Variants in CDC25A observed in about 807,000 individuals in gnomAD.
The protein encoded by CDC25A is M-phase inducer phosphatase 1.
A neutral mutation model predicts 64.6 loss-of-function variants in CDC25A; 17 were observed. The observed-to-expected ratio is 0.26, with a 90% CI of 0.18 to 0.39. The LOEUF is 0.39. Among genes scored for constraint, CDC25A ranks in the 10% least tolerant of loss-of-function variants. The pLI is 1.00. For missense variants in CDC25A, 473 were observed against 654.8 expected (o/e 0.72, Z 3.03); for synonymous variants, 229 against 238.6 (o/e 0.96, Z 0.37).
At chr3:48,172,957 C>T (rs1024561079) in intron 9 of CDC25A, among the ~76,000 whole-genome samples, 4 of 152,124 alleles carry the variant, frequency 2.6e-5, no homozygotes, top group African/African-American at 7.2e-5. Context: ...CAGTGGCTCA[C>T]GCCTGTAATT....
rs1442401020 is a variant in CDC25A at position 48,187,817 on chromosome 3, T to C, written c.131A>G (p.Asn44Ser). ...CAGCTGGTCCATAGTGACGGTCAGG[T>C]TGGTGACAGGCGACAGTCCCCCGGC... ...SAAGGLSPVT[N>S]LTVTMDQLQG... is the part of the protein sequence containing the mutation. Residue 44 changes from asparagine (N) to serine (S), a missense_variant, in exon 1 of 15, where the codon AAC (asparagine) becomes AGC (serine). Asn to Ser is a conservative substitution (Grantham distance 46). Transcript: ENST00000302506. The C allele has an allele frequency of 6.5e-7, 1 of 1,548,598 alleles. No individual in the cohort carries two copies. The highest frequency in any genetic ancestry group is 2.0e-5 in the Admixed American group (1 of 50,934).
chr3:48,181,529 G>A (rs766678378), intron 5 of CDC25A: 21 of 1,380,788 alleles, frequency 1.5e-5, no homozygotes, highest in Non-Finnish European at 1.9e-5. Flanking sequence ...GGTCGCGGTC[G>A]GCACTGAGGC....
At chr3:48,172,254 T>G (rs2032296979) in intron 9 of CDC25A, among the ~76,000 whole-genome samples, 1 of 152,190 alleles carries the variant, frequency 6.6e-6, no homozygotes, top group Non-Finnish European at 1.5e-5. Flanking sequence ...TTTAGAACAA[T>G]ACTTTAAAAA....
At chr3:48,164,819 A>T (rs1296110850) in intron 12 of CDC25A, among the ~76,000 whole-genome samples, 5 of 152,046 alleles carry the variant, frequency 3.3e-5, no homozygotes, top group Non-Finnish European at 7.4e-5. Flanking sequence ...AAAACATTAA[A>T]ATGGCAGGCC....
At position 48,184,731 on chromosome 3, in the gene CDC25A, C is replaced by CA. The variant is rs576065147; in HGVS notation, c.248-37dup. On this transcript the variant is annotated intron_variant, in intron 2 of 14. Transcript: ENST00000302506. ...AAAAAAAACCTCTCAAGAAATAATA[C>CA]AAAAAACACCATTTTGTCATTAAAA... 1.5e-4 allele frequency: 213 copies of CA among 1,442,842 alleles called. No individual in the cohort carries two copies. The African/African-American group carries it at 2.9e-3, about 20-fold the overall frequency. The allele number at this position is 1,442,842 out of a possible 1,614,324, so 89.4% of individuals were successfully genotyped here. A position where few individuals can be genotyped will look rare whatever the true frequency, so the allele number is the denominator to read the frequency against.
At chr3:48,183,948 AT>A in intron 3 of CDC25A, 112 bp from the exon 4 acceptor site, 1 of 605,902 alleles carries the variant, frequency 1.7e-6, no homozygotes, top group Non-Finnish European at 2.9e-6. Context: ...ACAGACTCCC[AT>A]TTTAGGCAAG....
intron 9 of CDC25A, among the ~76,000 whole-genome samples, chr3:48,171,382 CTTTT>C (rs908598235): frequency 2.9e-5 from 4 of 136,472 alleles, no homozygotes; most frequent in Non-Finnish European, 3.2e-5. Flanking sequence ...AATGAATATT[CTTTT>C]TTTTTTTTTT....
At chr3:48,177,278 G>T (rs2106739757) in intron 8 of CDC25A, 93 bp downstream of exon 8, 1 of 949,680 alleles carries the variant, frequency 1.1e-6, no homozygotes, top group Non-Finnish European at 1.7e-6. Context: ...ATCCTATCAT[G>T]CATTTCAATC....
At chr3:48,165,600 A>G in intron 12 of CDC25A, 36 bp downstream of exon 12, 1 of 1,430,788 alleles carries the variant, frequency 7.0e-7, no homozygotes, top group Non-Finnish European at 9.9e-7. Context: ...GATCCTGTTT[A>G]GGGCTCCTTC....
intron 4 of CDC25A, 146 bp downstream of exon 4, chr3:48,183,654 C>A: frequency 1.8e-6 from 1 of 568,058 alleles, no homozygotes; most frequent in Non-Finnish European, 3.2e-6. Context: ...GCACTCCAGC[C>A]TGGGTGACAG....
At chr3:48,180,578 A>G in intron 6 of CDC25A, 143 bp downstream of exon 6, 2 of 814,492 alleles carry the variant, frequency 2.5e-6, no homozygotes, top group Non-Finnish European at 3.8e-6. Flanking sequence ...AACCACCAAG[A>G]ATGCTTGACA....
At chr3:48,179,476 C>T (rs2032583688) in intron 6 of CDC25A, among the ~76,000 whole-genome samples, 1 of 152,158 alleles carries the variant, frequency 6.6e-6, no homozygotes, top group African/African-American at 2.4e-5. Flanking sequence ...CTCAAGCAAT[C>T]CTCCCACTTC....
chr3:48,182,973 G>A lies in CDC25A; in HGVS notation c.385C>T (p.His129Tyr), dbSNP rs1400207543. Residue 129 changes from histidine to tyrosine, a missense_variant, in exon 5 of 15, where the codon CAT becomes TAT. His to Tyr is a moderately conservative substitution (Grantham distance 83). This residue lies in a region of CDC25A where 376 missense variants were observed against 431.9 expected (regional missense o/e 0.87). Transcript: ENST00000302506. ...LKRSHSDSLD[H>Y]DIFQLIDPDE... is the part of the protein sequence containing the mutation. ...GGGTCGATGAGCTGAAAGATGTCATGGTCAAGAGAATCAGAATGGCTCCTC... is the reference window on the plus strand; with the variant it reads ...GGGTCGATGAGCTGAAAGATGTCATAGTCAAGAGAATCAGAATGGCTCCTC... 1 of 1,613,492 alleles carries A rather than the reference G, an allele frequency of 6.2e-7. No individual in the cohort carries two copies. The highest frequency in any genetic ancestry group is 1.3e-5 in the African/African-American group (1 of 74,892).
rs1396944609 is a variant in CDC25A, at chr3:48,165,502, C to T, written c.1191+134G>A. The T allele has an allele frequency of 7.9e-6, 5 of 636,158 alleles. No individual in the cohort carries two copies. The East Asian group carries it at 8.1e-5, about 10-fold the overall frequency. 39.4% of individuals were successfully genotyped at this position (636,158 alleles called of 1,614,324 possible). ...AGAGCACCCGGAATCAAATGCCTTC[C>T]ACACTCACTGTATTGTTTCAAAATT... On this transcript the variant is annotated intron_variant, in intron 12 of 14. Coordinates refer to ENST00000302506, the MANE Select transcript of CDC25A (RefSeq NM_001789.3).
intron 1 of CDC25A, among the ~76,000 whole-genome samples, chr3:48,187,374 GA>G (rs1352011932): frequency 1.3e-5 from 2 of 152,188 alleles, no homozygotes; most frequent in Non-Finnish European, 2.9e-5. Context: ...TGTTGAGAAG[GA>G]ACAAAGATCA....
intron 2 of CDC25A, among the ~76,000 whole-genome samples, chr3:48,185,422 C>CA (rs35677711): frequency 0.39 from 34,844 of 89,154 alleles, 6,121 homozygotes; most frequent in African/African-American, 0.53. Flanking sequence ...GACCCTGTCT[C>CA]AAAAAAAAAA....
intron 13 of CDC25A, chr3:48,161,031 T>G (rs1046185593): frequency 4.0e-5 from 6 of 151,502 alleles, no homozygotes; most frequent in Non-Finnish European, 7.3e-5. Flanking sequence ...CAGGTGCCTG[T>G]AATCCCAGCT....
intron 9 of CDC25A, 86 bp from the exon 10 acceptor site, chr3:48,168,030 C>T (rs766873756): frequency 2.6e-6 from 2 of 781,568 alleles, no homozygotes; most frequent in Non-Finnish European, 4.5e-6. Flanking sequence ...CTCGAGGAGA[C>T]TAAAATGTTA....
Position 48,177,953 on chromosome 3 carries a change from C to T in CDC25A, c.585G>A (p.Gly195=), listed in dbSNP as rs142184745. 7.9e-5 allele frequency: 128 copies of T among 1,613,696 alleles called. No individual in the cohort carries two copies. In the African/African-American group the frequency reaches 1.6e-3, roughly 21 times the overall value. The change falls in exon 7 of 15, where the codon GGG becomes GGA. Residue 195 remains glycine (G), a synonymous_variant. Coordinates refer to ENST00000302506, the MANE Select transcript of CDC25A (RefSeq NM_001789.3). ...SSNERDSSEP[G]NFIPLFTPQS... ...GGGGTGTAAAAAGAGGAATGAAATTCCCTGGTTCACTGCTATCTCTTTCAT... is the reference window on the plus strand; with the variant it reads ...GGGGTGTAAAAAGAGGAATGAAATTTCCTGGTTCACTGCTATCTCTTTCAT...
Sources: allele counts gnomAD v4.1 joint callset (sites outside exome capture counted in the v4.1 genomes callset), GRCh38; gene constraint gnomAD v4.1.1; regional missense constraint gnomAD v4.1.1; transcripts MANE v1.5; gene names NCBI Gene and HGNC (gene_info 2026-07-23, HGNC 2026-07-21).